The following PTPRD variants were observed in gnomAD, a reference collection of about 807,000 sequenced individuals.
PTPRD encodes protein tyrosine phosphatase receptor type D.
Under a neutral mutation model 214.5 loss-of-function variants are expected in PTPRD, and 34 were observed. The ratio of observed to expected loss-of-function variants is 0.16; its 90% CI spans 0.12 to 0.21. The LOEUF (loss-of-function observed/expected upper bound fraction) is 0.21, where lower values mean the gene tolerates loss of function less well. PTPRD is among the 10% of genes least tolerant of loss of function. PTPRD has a pLI of 1.00. For missense variants in PTPRD, 2,545 were observed against 2,398.7 expected (o/e 1.06, Z -1.27); for synonymous variants, 1,128 against 845.7 (o/e 1.33, Z -5.79).
intron 3 of PTPRD, among the ~76,000 whole-genome samples, chr9:10,222,551 G>A (rs1174524364): frequency 6.6e-6 from 1 of 151,988 alleles, no homozygotes; most frequent in Non-Finnish European, 1.5e-5. Context: ...ATCTTACAAT[G>A]TAGAATATAT....
chr9:8,725,297 A>C (rs1565582043), intron 12 of PTPRD, among the ~76,000 whole-genome samples: 1 of 152,180 alleles, frequency 6.6e-6, no homozygotes, highest in Non-Finnish European at 1.5e-5. Context: ...TTAATGTTAA[A>C]TATTTGGCTA....
intron 7 of PTPRD, among the ~76,000 whole-genome samples, chr9:9,684,842 C>G (rs942378750): frequency 6.6e-6 from 1 of 151,538 alleles, no homozygotes; most frequent in African/African-American, 2.4e-5. Context: ...TAAAGTCACA[C>G]TACTTAGATT....
intron 19 of PTPRD, among the ~76,000 whole-genome samples, chr9:8,522,388 AAGAC>A (rs1342711192): frequency 6.6e-6 from 1 of 152,184 alleles, no homozygotes; most frequent in Non-Finnish European, 1.5e-5. Flanking sequence ...ACAGGGTTGA[AAGAC>A]AGAAGATTAA....
chr9:9,250,296 C>G (rs554175724), intron 9 of PTPRD, among the ~76,000 whole-genome samples: 1 of 152,120 alleles, frequency 6.6e-6, no homozygotes, highest in African/African-American at 2.4e-5. Flanking sequence ...TTTCTGACCC[C>G]AGGGCAAAAA....
At chr9:9,994,026 G>C (rs1427279053) in intron 4 of PTPRD, among the ~76,000 whole-genome samples, 1 of 152,106 alleles carries the variant, frequency 6.6e-6, no homozygotes, top group Admixed American at 6.6e-5. Flanking sequence ...AATTTTTTGA[G>C]TGGGGGACAA....
intron 10 of PTPRD, among the ~76,000 whole-genome samples, chr9:9,161,497 G>C (rs967317528): frequency 4.6e-5 from 7 of 152,108 alleles, no homozygotes; most frequent in Non-Finnish European, 1.0e-4. Context: ...AAGCCAGGCA[G>C]TTTAGCAATA....
At chr9:8,920,494 C>A (rs1345800670) in intron 11 of PTPRD, among the ~76,000 whole-genome samples, 4 of 152,068 alleles carry the variant, frequency 2.6e-5, no homozygotes, top group Admixed American at 2.6e-4. Context: ...CCAGGGGTAT[C>A]CAATCTTTTG....
chr9:8,528,898 C>A (rs1463153916), intron 14 of PTPRD, 119 bp from the exon 15 acceptor site: 2 of 903,066 alleles, frequency 2.2e-6, no homozygotes, highest in African/African-American at 1.7e-5. Context: ...TAACACAAAC[C>A]AGGCACTAAT....
chr9:10,117,947 G>C (rs997326590), intron 3 of PTPRD, among the ~76,000 whole-genome samples: 3 of 152,000 alleles, frequency 2.0e-5, no homozygotes, highest in African/African-American at 7.2e-5. Flanking sequence ...TTTGTAGCTA[G>C]AGGTAAACTA....
chr9:9,169,970 G>T (rs1281067033), intron 10 of PTPRD, among the ~76,000 whole-genome samples: 1 of 152,044 alleles, frequency 6.6e-6, no homozygotes, highest in Non-Finnish European at 1.5e-5. Context: ...GATTAGAAGG[G>T]GTTGATATTT....
chr9:9,765,752 C>T (rs535282346), intron 6 of PTPRD, among the ~76,000 whole-genome samples: 19 of 152,312 alleles, frequency 1.2e-4, no homozygotes, highest in African/African-American at 4.3e-4. Context: ...GCTTCACCTC[C>T]TGGGTTCACG....
chr9:8,492,865 C>A lies in PTPRD; in HGVS notation c.2464G>T (p.Ala822Ser), dbSNP rs754059551. 5 of 1,611,496 alleles carry A rather than the reference C, an allele frequency of 3.1e-6. No homozygotes were observed. The highest frequency in any genetic ancestry group is 1.1e-5 in the South Asian group (1 of 90,998). The change falls in exon 27 of 46, where the codon GCA (alanine) becomes TCA (serine). Residue 822 changes from alanine (A) to serine (S), a missense_variant. Coordinates refer to ENST00000381196, the MANE Select transcript of PTPRD (RefSeq NM_002839.4). ...ATACATGCACAGACATGATTACCTGCCCCAGTGGTGGACACCAGTTTGGGC... is the reference window on the plus strand; with the variant it reads ...ATACATGCACAGACATGATTACCTGACCCAGTGGTGGACACCAGTTTGGGC... ...SKPKLVSTTG[A>S]VPGKPRLVIN...
In PTPRD at chr9:8,316,935, T is replaced by G. The variant is rs1822269929; in HGVS notation, c.*939A>C. ...GTATCTATTTTTTGTGTGGACACAC[T>G]GTCTATATATACATAGACACCCTTA... On this transcript the variant is annotated 3_prime_UTR_variant, in exon 46 of 46. Coordinates refer to ENST00000381196, the MANE Select transcript of PTPRD (RefSeq NM_002839.4). The G allele has an allele frequency of 4.3e-6, 1 of 231,480 alleles. No homozygotes were observed. Among genetic ancestry groups the G allele is most frequent in the Admixed American group, 5.6e-5 (1 of 17,718 alleles). The allele number at this position is 231,480 out of a possible 1,614,324, so 14.3% of individuals were successfully genotyped here. A position where few individuals can be genotyped will look rare whatever the true frequency, so the allele number is the denominator to read the frequency against.
intron 12 of PTPRD, among the ~76,000 whole-genome samples, chr9:8,725,523 T>A (rs988719726): frequency 8.5e-5 from 13 of 152,140 alleles, no homozygotes; most frequent in Non-Finnish European, 1.8e-4. Context: ...AAGATTCTGC[T>A]CAAATTGTGA....
intron 3 of PTPRD, among the ~76,000 whole-genome samples, chr9:10,199,170 ATTC>A (rs1235814311): frequency 2.0e-5 from 3 of 151,674 alleles, no homozygotes; most frequent in Admixed American, 6.6e-5. Context: ...ATTCGAACTG[ATTC>A]TTATTTATTT....
chr9:8,848,506 T>G (rs1391373124), intron 11 of PTPRD, among the ~76,000 whole-genome samples: 1 of 8,892 alleles, frequency 1.1e-4, no homozygotes, highest in Non-Finnish European at 1.8e-4. Context: ...TGGCAAATAT[T>G]TTTTTTTTTT....
intron 2 of PTPRD, among the ~76,000 whole-genome samples, chr9:10,398,584 T>C (rs1310771208): frequency 6.6e-6 from 1 of 151,976 alleles, no homozygotes; most frequent in Non-Finnish European, 1.5e-5. Flanking sequence ...GCACTATAGA[T>C]ATAAATACAA....
intron 3 of PTPRD, among the ~76,000 whole-genome samples, chr9:10,308,511 G>C (rs909800930): frequency 6.6e-6 from 1 of 151,630 alleles, no homozygotes; most frequent in African/African-American, 2.4e-5. Context: ...CGCCAGCTTT[G>C]TTCTTTGTGT....
At chr9:9,884,264 C>T (rs957225625) in intron 5 of PTPRD, among the ~76,000 whole-genome samples, 1 of 152,138 alleles carries the variant, frequency 6.6e-6, no homozygotes, top group Non-Finnish European at 1.5e-5. Context: ...ACACAGAGTT[C>T]AGTCTTTCCA....
Sources: allele counts gnomAD v4.1 joint callset (sites outside exome capture counted in the v4.1 genomes callset), GRCh38; gene constraint gnomAD v4.1.1; transcripts MANE v1.5; gene names NCBI Gene and HGNC (gene_info 2026-07-23, HGNC 2026-07-21).